The following CLUH variants were observed in gnomAD, a reference collection of about 807,000 sequenced individuals.
CLUH encodes the protein CLUH binding protein of NUMT mRNA.
In CLUH, 77 loss-of-function variants were observed where a neutral mutation model predicts 139.3. That is an observed-to-expected ratio of 0.55 (90% confidence interval 0.46 to 0.67). The LOEUF is 0.67. CLUH is among the 30% of genes least tolerant of loss of function. The pLI, the probability that CLUH is intolerant of heterozygous loss-of-function variation, is 0.00. For missense variants in CLUH, 1,876 were observed against 1,875.8 expected, an observed-to-expected ratio of 1.00 and a Z score of 0.00; for synonymous variants, 999 against 801.6, an observed-to-expected ratio of 1.25 and a Z score of -4.16.
intron 22 of CLUH, 51 bp from the exon 23 acceptor site, chr17:2,692,148 G>A (rs1033150691): frequency 2.6e-5 from 40 of 1,530,764 alleles, no homozygotes; most frequent in Middle Eastern, 2.0e-4. Flanking sequence ...TGGGCTGGGT[G>A]TGGGGGCCTG....
rs1245022272 is a variant in CLUH at position 2,700,780 on chromosome 17, C to T, written c.1071G>A (p.Val357=). The T allele has an allele frequency of 8.4e-6, 13 of 1,538,648 alleles. No individual in the cohort carries two copies. Among genetic ancestry groups the T allele is most frequent in the Non-Finnish European group, 1.1e-5 (13 of 1,148,664 alleles). The change falls in exon 8 of 26, where the codon GTG becomes GTA. Residue 357 remains valine, a synonymous_variant. Coordinates refer to ENST00000651024, the MANE Select transcript of CLUH (RefSeq NM_001366661.1). ...CCGCCTGGGGGGCTGTCCAGCTGTA[C>T]ACCTGGAATGGGGTGGCGATCCTCT... ...PFERIATPFQ[V]YSWTAPQAEH... is the part of the protein sequence containing the mutation.
Position 2,690,695 on chromosome 17 carries a change from C to T in CLUH, c.3946G>A (p.Glu1316Lys). The stretch of plus-strand genomic sequence containing the variant: ...GCGGGCTCGGTAGCCATGGGCTCCT[C>T]GGCTCTATCCCTGTTTCTGCTGGCC... The part of the protein sequence containing the change: ...QEASRNRDRA[E>K]EPMATEPAPA... Residue 1316 changes from glutamate (E) to lysine (K), a missense_variant, in exon 26 of 26, where the codon GAG becomes AAG. Coordinates refer to ENST00000651024, the MANE Select transcript of CLUH (RefSeq NM_001366661.1). 3.2e-6 allele frequency: 5 copies of T among 1,564,310 alleles called. No individual in the cohort carries two copies. Among genetic ancestry groups the T allele is most frequent in the South Asian group, 1.2e-5 (1 of 84,726 alleles).
Position 2,696,486 on chromosome 17 carries a change from G to A in CLUH, c.2238C>T (p.Ser746=). ...VIRNACKAVG[S]ISSTAFDIRF... ...GAATGTCGAAGGCGGTGCTGCTGAT[G>A]GAGCCGACCGCCTTGCACGCGTTGC... is the stretch of plus-strand genomic sequence containing the variant. The change falls in exon 12 of 26, where the codon TCC becomes TCT. Residue 746 remains serine, a synonymous_variant. Transcript: ENST00000651024. 6.3e-7 allele frequency: 1 copy of A among 1,593,336 alleles called. No individual in the cohort carries two copies. Among genetic ancestry groups the A allele is most frequent in the Non-Finnish European group, 8.5e-7 (1 of 1,172,070 alleles).
In CLUH at chr17:2,689,540, T is replaced by G. The variant is rs1287474733; in HGVS notation, c.*1054A>C. ...AAGGTGTCTGGACGGACCACACCCA[T>G]AAGCGGCTCTCCGCAAACCCAGGCA... On this transcript the variant is annotated 3_prime_UTR_variant, in exon 26 of 26. Coordinates refer to ENST00000651024, the MANE Select transcript of CLUH (RefSeq NM_001366661.1). The G allele has an allele frequency of 6.5e-6, 1 of 152,748 alleles. No homozygotes were observed. The highest frequency in any genetic ancestry group is 1.5e-5 in the Non-Finnish European group (1 of 68,136). 9.5% of individuals were successfully genotyped at this position (152,748 alleles called of 1,614,324 possible). A position where few individuals can be genotyped will look rare whatever the true frequency, so the allele number is the denominator to read the frequency against.
chr17:2,711,582 T>C lies in CLUH; in HGVS notation c.80A>G (p.Lys27Arg). 2 of 973,636 alleles carry C rather than the reference T, an allele frequency of 2.1e-6. No individual in the cohort carries two copies. The highest frequency in any genetic ancestry group is 2.4e-6 in the Non-Finnish European group (2 of 825,698). The allele number at this position is 973,636 out of a possible 1,614,324, so 60.3% of individuals were successfully genotyped here. ...AREHGSQAGG[K>R]GRPGAAELPS... ...CTCACCGGCCGCGCCCGGCCGCCCC[T>C]TGCCCCCGGCCTGCGAGCCGTGTTC... Residue 27 changes from lysine to arginine, a missense_variant, in exon 1 of 26, where the codon AAG becomes AGG. By Grantham distance (26) the Lys-to-Arg change is conservative. Around this residue, in one of 3 missense-constraint regions of CLUH, gnomAD observed 152 missense variants for 136.7 expected, o/e 1.11. Coordinates refer to ENST00000651024, the MANE Select transcript of CLUH (RefSeq NM_001366661.1).
intron 1 of CLUH, among the ~76,000 whole-genome samples, chr17:2,708,666 G>A (rs2070419205): frequency 1.3e-5 from 2 of 151,752 alleles, no homozygotes; most frequent in Non-Finnish European, 2.9e-5. Flanking sequence ...CAAGCCCATG[G>A]CTTTTGAGTC....
Position 2,694,208 on chromosome 17 carries a change from G to A in CLUH, c.3006C>T (p.Asn1002=), listed in dbSNP as rs762675427. Residue 1002 remains asparagine (N), a synonymous_variant, in exon 18 of 26, where the codon AAC becomes AAT. Transcript: ENST00000651024. ...TGACGTGCTTGACCACGGGGAAGAT[G>A]TTGAGCACGTCCTCCTCGGTGAACG... ...KPAFTEEDVL[N]IFPVVKHVNP... 29 of 1,613,338 alleles carry A rather than the reference G, an allele frequency of 1.8e-5. No homozygotes were observed. Among genetic ancestry groups the A allele is most frequent in the Non-Finnish European group, 2.5e-5 (29 of 1,179,700 alleles).
Position 2,702,025 on chromosome 17 carries a change from C to A in CLUH, c.508G>T (p.Val170Leu). The A allele has an allele frequency of 1.2e-6, 2 of 1,613,854 alleles. No individual in the cohort carries two copies. Among genetic ancestry groups the A allele is most frequent in the Non-Finnish European group, 1.7e-6 (2 of 1,179,856 alleles). The change falls in exon 4 of 26, where the codon GTG becomes TTG. Residue 170 changes from valine (V) to leucine (L), a missense_variant. Around this residue, in one of 3 missense-constraint regions of CLUH, gnomAD observed 270 missense variants for 354.7 expected, o/e 0.76. Coordinates refer to ENST00000651024, the MANE Select transcript of CLUH (RefSeq NM_001366661.1). The part of the protein sequence containing the change: ...PYTVREARIH[V>L]RHVRDLLKSL... ...TTGAGCAGGTCTCGGACATGGCGCA[C>A]GTGGATGCGGGCCTCACGCACCGTG...
rs1213047620 is a variant in CLUH at position 2,696,455 on chromosome 17, T to G, written c.2269A>C (p.Asn757His). The G allele has an allele frequency of 1.3e-6, 2 of 1,594,102 alleles. No individual in the cohort carries two copies. The highest frequency in any genetic ancestry group is 3.5e-5 in the Admixed American group (2 of 57,352). The part of the protein sequence containing the change: ...ISSTAFDIRF[N>H]PDIFSPGVRF... ...CTGCCTGGTGAGAAGATGTCAGGATTGAAGCGAATGTCGAAGGCGGTGCTG... is the reference window on the plus strand; with the variant it reads ...CTGCCTGGTGAGAAGATGTCAGGATGGAAGCGAATGTCGAAGGCGGTGCTG... The change falls in exon 12 of 26, where the codon AAT becomes CAT. Residue 757 changes from asparagine to histidine, a missense_variant. Around this residue, in one of 3 missense-constraint regions of CLUH, gnomAD observed 1,454 missense variants for 1,384.4 expected, o/e 1.05. Coordinates refer to ENST00000651024, the MANE Select transcript of CLUH (RefSeq NM_001366661.1).
In CLUH at chr17:2,690,599, C is replaced by A; in HGVS notation, c.4042G>T (p.Gly1348Ter). ...AAKDPSPSVQG is the reference protein window; with the variant it reads ...AAKDPSPSVQ ...CTGTCCGTCTGGCTCCCTCTCTATC[C>A]CTGCACGCTCGGAGAAGGGTCCTTG... The change falls in exon 26 of 26, where the codon GGA becomes TGA. Residue 1348 changes from glycine (G) to a stop codon, truncating the protein, a stop_gained. Transcript: ENST00000651024. LOFTEE classifies it high-confidence loss of function. 6.8e-7 allele frequency: 1 copy of A among 1,480,126 alleles called. No individual in the cohort carries two copies. Among genetic ancestry groups the A allele is most frequent in the Non-Finnish European group, 8.9e-7 (1 of 1,118,284 alleles). The allele number at this position is 1,480,126 out of a possible 1,614,324, so 91.7% of individuals were successfully genotyped here.
intron 23 of CLUH, 48 bp from the exon 24 acceptor site, chr17:2,691,943 C>CCGCCCCCGCCCCGCCA (rs747295352): frequency 2.3e-6 from 3 of 1,285,788 alleles, no homozygotes; most frequent in African/African-American, 3.8e-5. Context: ...CCCCGCGGCC[C>CCGCCCCCGCCCCGCCA]CGCCCCCGCC....
intron 13 of CLUH, chr17:2,695,779 C>A: frequency 1.7e-6 from 1 of 596,310 alleles, no homozygotes; most frequent in Non-Finnish European, 2.9e-6. Flanking sequence ...ACTACTTGAC[C>A]CCCAGCCCCG....
At chr17:2,700,578 A>G (rs2070143066) in intron 8 of CLUH, 100 bp downstream of exon 8, 1 of 1,535,636 alleles carries the variant, frequency 6.5e-7, no homozygotes, top group Non-Finnish European at 8.8e-7. Flanking sequence ...CAGACTCCCA[A>G]ATGAAGTCAA....
rs771177971 is a variant in CLUH at position 2,698,140 on chromosome 17, C to G, written c.1717G>C (p.Val573Leu). Residue 573 changes from valine (V) to leucine (L), a missense_variant, in exon 10 of 26, where the codon GTG becomes CTG. By Grantham distance (32) the Val-to-Leu change is conservative. Around this residue, in one of 3 missense-constraint regions of CLUH, gnomAD observed 1,454 missense variants for 1,384.4 expected, o/e 1.05. Transcript: ENST00000651024. The part of the protein sequence containing the change: ...SRPLKILRHQ[V>L]LNDRDEEVEL... Reference sequence around the variant, plus strand: ...ACCTCCTCGTCACGGTCGTTGAGCACCTGGTGCCGCAGGATCTTGAGGGGC... The same window carrying G: ...ACCTCCTCGTCACGGTCGTTGAGCAGCTGGTGCCGCAGGATCTTGAGGGGC... 4.5e-5 allele frequency: 71 copies of G among 1,584,756 alleles called. No individual in the cohort carries two copies. Among genetic ancestry groups the G allele is most frequent in the Non-Finnish European group, 5.7e-5 (66 of 1,166,786 alleles).
intron 1 of CLUH, among the ~76,000 whole-genome samples, chr17:2,708,185 G>A (rs552174368): frequency 2.0e-5 from 3 of 152,272 alleles, no homozygotes; most frequent in South Asian, 2.1e-4. Context: ...GCGGGAGCCA[G>A]GCTCTCACTC....
chr17:2,697,577 G>C (rs976593102), intron 10 of CLUH, among the ~76,000 whole-genome samples: 7 of 152,106 alleles, frequency 4.6e-5, no homozygotes, highest in African/African-American at 1.4e-4. Context: ...CCAGCGGCGG[G>C]GACCCCCGGT....
chr17:2,697,675 C>T (rs992934452), intron 10 of CLUH, among the ~76,000 whole-genome samples: 4 of 152,198 alleles, frequency 2.6e-5, no homozygotes, highest in Admixed American at 6.5e-5. Flanking sequence ...GCCACAGCCA[C>T]ATTACCCGCC....
intron 9 of CLUH, 30 bp from the exon 10 acceptor site, chr17:2,698,620 A>G: frequency 6.5e-7 from 1 of 1,532,184 alleles, no homozygotes; most frequent in Non-Finnish European, 8.8e-7. Flanking sequence ...GCAGGGTTAG[A>G]GGCCGCGCCC....
At chr17:2,699,436 C>T (rs758187161) in intron 9 of CLUH, among the ~76,000 whole-genome samples, 24 of 152,138 alleles carry the variant, frequency 1.6e-4, no homozygotes, top group Non-Finnish European at 2.4e-4. Context: ...AGGCCATCCT[C>T]CCACTCCAGC....
Sources: gnomAD v4.1 joint callset for allele counts (sites outside exome capture counted in the v4.1 genomes callset) on GRCh38, gnomAD v4.1.1 for gene constraint, gnomAD v4.1.1 regional missense constraint, MANE v1.5 for transcripts, NCBI Gene and HGNC (gene_info 2026-07-23, HGNC 2026-07-21) for gene names.